Variants in BACH1 observed in about 807,000 individuals in gnomAD.
BACH1 encodes BTB domain and CNC homolog 1.
Under a neutral mutation model 52.9 loss-of-function variants are expected in BACH1, and 35 were observed. The observed-to-expected ratio is 0.66, with a 90% CI of 0.51 to 0.88. The LOEUF (loss-of-function observed/expected upper bound fraction) is 0.88. Among genes scored for constraint, BACH1 ranks in the 40% least tolerant of loss-of-function variants. The pLI is 0.00. For synonymous variants in BACH1, 321 were observed against 319.6 expected (o/e 1.00, Z -0.05); for missense variants, 808 against 872.6 (o/e 0.93, Z 0.93).
At position 29,327,313 on chromosome 21, in the gene BACH1, G is replaced by A; in HGVS notation, c.1489G>A (p.Val497Ile). 6.2e-7 allele frequency: 1 copy of A among 1,614,218 alleles called. No homozygotes were observed. Residue 497 changes from valine (V) to isoleucine (I), a missense_variant, in exon 3 of 5, where the codon GTC becomes ATC. Physicochemically the swap from Val to Ile is conservative, Grantham distance 29. Transcript: ENST00000286800. ...PQQEPCPYAC[V>I]ISLGDDSETD... ...GCAAGAACCTTGCCCATATGCTTGT[G>A]TCATTAGCTTGGGAGACGACTCTGA...
chr21:29,310,788 G>A (rs1056068621), intron 1 of BACH1, among the ~76,000 whole-genome samples: 1 of 152,246 alleles, frequency 6.6e-6, no homozygotes, highest in East Asian at 1.9e-4. Flanking sequence ...TTCACTAAAT[G>A]GTTTCCACGG....
rs561588849 is a variant in BACH1, at chr21:29,329,223, G to A, written c.1570-264G>A. ...CTTAGGAAGCTGAGGTGAGAGGATC[G>A]CTTGAGCCTAGGAGGTTGAGGCTGC... On this transcript the variant is annotated intron_variant, in intron 3 of 4. Coordinates refer to ENST00000286800, the MANE Select transcript of BACH1 (RefSeq NM_001186.4). Among the ~76,000 whole-genome samples the A allele has an allele frequency of 2.0e-5, 3 of 152,262 alleles. No individual in the cohort carries two copies. In the South Asian group the frequency reaches 6.2e-4, roughly 32 times the overall value.
chr21:29,329,706 G>C lies in BACH1; in HGVS notation c.1776+13G>C, dbSNP rs891193387. On this transcript the variant is annotated intron_variant, in intron 4 of 4. Coordinates refer to ENST00000286800, the MANE Select transcript of BACH1 (RefSeq NM_001186.4). ...AATTGAGAAGCTGGTAAGTGTAAAA[G>C]TTTCTTGTTACTATTTAAATTCCAC... is the stretch of plus-strand genomic sequence containing the variant. 1.3e-6 allele frequency: 2 copies of C among 1,485,624 alleles called. No homozygotes were observed. The highest frequency in any genetic ancestry group is 1.4e-5 in the African/African-American group (1 of 69,886). The allele number at this position is 1,485,624 out of a possible 1,614,324, so 92.0% of individuals were successfully genotyped here.
At chr21:29,329,813 A>G (rs1420613952) in intron 4 of BACH1, 120 bp downstream of exon 4, 2 of 718,534 alleles carry the variant, frequency 2.8e-6, no homozygotes, top group African/African-American at 1.8e-5. Flanking sequence ...ATATGTATCA[A>G]TTACCATTTT....
chr21:29,358,917 AG>A (rs1440083562), intron 2 of BACH1: 6 of 152,216 alleles, frequency 3.9e-5, no homozygotes, highest in Non-Finnish European at 7.4e-5. Context: ...TTCTAACACA[AG>A]GGGGGTAGTA....
chr21:29,318,409 G>A (rs543586343), intron 1 of BACH1, among the ~76,000 whole-genome samples: 1 of 152,308 alleles, frequency 6.6e-6, no homozygotes, highest in Admixed American at 6.5e-5. Context: ...ATCAGTCATG[G>A]TGCATGCTGT....
intron 3 of BACH1, 79 bp downstream of exon 3, chr21:29,327,472 C>G: frequency 6.6e-7 from 1 of 1,507,140 alleles, no homozygotes; most frequent in African/African-American, 1.4e-5. Context: ...CCCTTTGCAT[C>G]ATTAGGGATA....
chr21:29,353,689 TA>T (rs1423107600), intron 2 of BACH1, among the ~76,000 whole-genome samples: 1 of 152,140 alleles, frequency 6.6e-6, no homozygotes, highest in African/African-American at 2.4e-5. Context: ...GTAACCTTCT[TA>T]ATCTTAGTGA....
At position 29,345,852 on chromosome 21, in the gene BACH1, T is replaced by C. The variant is rs895693202; in HGVS notation, c.*3019T>C. ...AAACTATTCTTTGAAACTTGTTGGG[T>C]AGAATGAAAATTAAAGCCATAATGG... On this transcript the variant is annotated 3_prime_UTR_variant, in exon 5 of 5. Transcript: ENST00000286800. 6.6e-6 allele frequency: 1 copy of C among 152,602 alleles called. No individual in the cohort carries two copies. 9.5% of individuals were successfully genotyped at this position (152,602 alleles called of 1,614,324 possible).
intron 1 of BACH1, among the ~76,000 whole-genome samples, chr21:29,312,554 G>A (rs2123419468): frequency 6.6e-6 from 1 of 152,250 alleles, no homozygotes; most frequent in East Asian, 1.9e-4. Flanking sequence ...GAACTAGTAA[G>A]CAAATTAAGG....
At chr21:29,306,173 T>A (rs913088578) in intron 1 of BACH1, among the ~76,000 whole-genome samples, 48 of 77,164 alleles carry the variant, frequency 6.2e-4, no homozygotes, top group Admixed American at 4.1e-4. Context: ...AGGAAGAGTG[T>A]GTGTGTGTGT....
intron 4 of BACH1, among the ~76,000 whole-genome samples, chr21:29,332,037 A>G (rs1031647033): frequency 2.6e-5 from 4 of 152,042 alleles, no homozygotes; most frequent in African/African-American, 7.2e-5. Context: ...GGTTCAAGCA[A>G]TTCTCCTGCC....
chr21:29,306,613 C>A (rs200631184), intron 1 of BACH1, among the ~76,000 whole-genome samples: 1 of 152,084 alleles, frequency 6.6e-6, no homozygotes, highest in Non-Finnish European at 1.5e-5. Flanking sequence ...AGAGTAGATA[C>A]GTGAGCACAG....
intron 2 of BACH1, among the ~76,000 whole-genome samples, chr21:29,322,687 G>A (rs1057021981): frequency 6.6e-6 from 1 of 152,212 alleles, no homozygotes; most frequent in Admixed American, 6.5e-5. Flanking sequence ...GGATACGGTT[G>A]GATAAACTGT....
rs1229611709 is a variant in BACH1, at chr21:29,345,592, A to G, written c.*2759A>G. ...AATGTGGATACAGTCTTGGTTCTCCATCTGTAATTTTTTTTAACAGTTTGC... is the reference window on the plus strand; with the variant it reads ...AATGTGGATACAGTCTTGGTTCTCCGTCTGTAATTTTTTTTAACAGTTTGC... On this transcript the variant is annotated 3_prime_UTR_variant, in exon 5 of 5. Coordinates refer to ENST00000286800, the MANE Select transcript of BACH1 (RefSeq NM_001186.4). 2.0e-5 allele frequency: 3 copies of G among 152,534 alleles called. No homozygotes were observed. The highest frequency in any genetic ancestry group is 4.4e-5 in the Non-Finnish European group (3 of 68,016). The allele number at this position is 152,534 out of a possible 1,614,324, so 9.4% of individuals were successfully genotyped here.
intron 2 of BACH1, among the ~76,000 whole-genome samples, chr21:29,361,395 G>A (rs549388603): frequency 6.6e-6 from 1 of 152,202 alleles, no homozygotes; most frequent in South Asian, 2.1e-4. Context: ...TACTTACAAT[G>A]ATTTTAACAA....
chr21:29,341,484 A>G (rs2089112079), intron 4 of BACH1, among the ~76,000 whole-genome samples: 1 of 152,222 alleles, frequency 6.6e-6, no homozygotes, highest in South Asian at 2.1e-4. Flanking sequence ...AACAAGAAGG[A>G]TGAAATGGGA....
At chr21:29,312,549 A>G (rs184341600) in intron 1 of BACH1, among the ~76,000 whole-genome samples, 1 of 152,346 alleles carries the variant, frequency 6.6e-6, no homozygotes, top group Non-Finnish European at 1.5e-5. Context: ...TATCCGAACT[A>G]GTAAGCAAAT....
At chr21:29,359,719 A>G (rs2089259615) in intron 2 of BACH1, among the ~76,000 whole-genome samples, 1 of 152,138 alleles carries the variant, frequency 6.6e-6, no homozygotes, top group African/African-American at 2.4e-5. Flanking sequence ...CAATAAAAAT[A>G]AAAAAGCTAC....
Sources: gnomAD v4.1 joint callset for allele counts (sites outside exome capture counted in the v4.1 genomes callset) on GRCh38, gnomAD v4.1.1 for gene constraint, MANE v1.5 for transcripts, NCBI Gene and HGNC (gene_info 2026-07-23, HGNC 2026-07-21) for gene names.